ITPR2: variants seen among roughly 807,000 people sequenced by gnomAD.
ITPR2 encodes the protein inositol 1,4,5-trisphosphate-gated calcium channel ITPR2.
In ITPR2, 207 loss-of-function variants were observed where a neutral mutation model predicts 317.1. The observed-to-expected ratio is 0.65, with a 90% CI of 0.58 to 0.73. The LOEUF (loss-of-function observed/expected upper bound fraction) is 0.73, where lower values mean the gene tolerates loss of function less well. Among genes scored for constraint, ITPR2 ranks in the 30% least tolerant of loss-of-function variants. The pLI is 0.00. For missense variants in ITPR2, 2,613 were observed against 3,284.0 expected (o/e 0.80, Z 4.99); for synonymous variants, 1,156 against 1,149.1 (o/e 1.01, Z -0.12).
intron 28 of ITPR2, among the ~76,000 whole-genome samples, chr12:26,602,019 C>T (rs1006035273): frequency 5.9e-5 from 9 of 152,128 alleles, no homozygotes; most frequent in African/African-American, 2.2e-4. Flanking sequence ...GGAGTTCCCA[C>T]ATGAAGAGAT....
chr12:26,784,766 C>T (rs1326843733), intron 2 of ITPR2, among the ~76,000 whole-genome samples: 1 of 149,460 alleles, frequency 6.7e-6, no homozygotes, highest in Admixed American at 6.7e-5. Context: ...GCCACCACCC[C>T]GTCTGGGAAG....
At chr12:26,535,306 T>C (rs1248710559) in intron 37 of ITPR2, among the ~76,000 whole-genome samples, 1 of 152,204 alleles carries the variant, frequency 6.6e-6, no homozygotes, top group African/African-American at 2.4e-5. Flanking sequence ...ACATATGGCA[T>C]TTAAAATGCT....
chr12:26,594,370 G>A (rs1013346738), intron 32 of ITPR2, among the ~76,000 whole-genome samples: 2 of 151,896 alleles, frequency 1.3e-5, no homozygotes, highest in African/African-American at 4.8e-5. Context: ...ACATGTCTGA[G>A]TCTACAGGCA....
rs535524995 is a variant in ITPR2 at position 26,400,270 on chromosome 12, CATACAAATATATG to C, written c.7400-25_7400-13del. On this transcript the variant is annotated splice_polypyrimidine_tract_variant and intron_variant, in intron 52 of 56. Coordinates refer to ENST00000381340, the MANE Select transcript of ITPR2 (RefSeq NM_002223.4). The stretch of plus-strand genomic sequence containing the variant: ...ATACTCTTCATCAGCTATAAAAACA[CATACAAATATATG>C]ATATAAAATTATGTAAAAATATATA... The C allele has an allele frequency of 9.5e-5, 140 of 1,474,756 alleles. No homozygotes were observed. In the African/African-American group the frequency reaches 1.8e-3, roughly 18 times the overall value. 91.4% of individuals were successfully genotyped at this position (1,474,756 alleles called of 1,614,324 possible). A position where few individuals can be genotyped will look rare whatever the true frequency, so the allele number is the denominator to read the frequency against.
At chr12:26,777,067 C>T (rs994427144) in intron 2 of ITPR2, among the ~76,000 whole-genome samples, 13 of 151,898 alleles carry the variant, frequency 8.6e-5, no homozygotes, top group Non-Finnish European at 1.8e-4. Flanking sequence ...TGATTTGGGC[C>T]CACTAAATAG....
chr12:26,543,778 G>C (rs1240918895), intron 37 of ITPR2, among the ~76,000 whole-genome samples: 1 of 151,882 alleles, frequency 6.6e-6, no homozygotes, highest in Non-Finnish European at 1.5e-5. Flanking sequence ...CAAAGAAAAA[G>C]AGAAATCACA....
intron 54 of ITPR2, among the ~76,000 whole-genome samples, chr12:26,394,074 A>C (rs1302276087): frequency 1.3e-5 from 2 of 152,142 alleles, no homozygotes; most frequent in Non-Finnish European, 2.9e-5. Flanking sequence ...TTGAGGGCAG[A>C]CCCTCAGTTA....
intron 2 of ITPR2, among the ~76,000 whole-genome samples, chr12:26,741,489 C>A (rs1447434773): frequency 3.9e-5 from 6 of 152,088 alleles, no homozygotes; most frequent in South Asian, 4.1e-4. Flanking sequence ...TTATACACAT[C>A]TCTGGAAATA....
chr12:26,340,322 T>C lies in ITPR2; in HGVS notation c.7864A>G (p.Asn2622Asp), dbSNP rs1938066401. Reference sequence around the variant, plus strand: ...CGCATCCGAGGAAACCAATCCAAATTCTTCTCCTGAAAGCAAATAAATGTG... The same window carrying C: ...CGCATCCGAGGAAACCAATCCAAATCCTTCTCCTGAAAGCAAATAAATGTG... ...SYVAQMIVEK[N>D]LDWFPRMRAM... Residue 2622 changes from asparagine to aspartate, a missense_variant, in exon 56 of 57, where the codon AAT (asparagine) becomes GAT (aspartate). Asn to Asp is a conservative substitution (Grantham distance 23). Around this residue, in one of 9 missense-constraint regions of ITPR2, gnomAD observed 119 missense variants for 144.3 expected, o/e 0.82. Coordinates refer to ENST00000381340, the MANE Select transcript of ITPR2 (RefSeq NM_002223.4). 1.3e-6 allele frequency: 2 copies of C among 1,597,846 alleles called. No homozygotes were observed. The highest frequency in any genetic ancestry group is 1.7e-6 in the Non-Finnish European group (2 of 1,172,100).
intron 13 of ITPR2, among the ~76,000 whole-genome samples, chr12:26,679,708 A>G (rs1240040539): frequency 1.3e-5 from 2 of 152,100 alleles, no homozygotes; most frequent in East Asian, 3.8e-4. Flanking sequence ...GTATTTCAAA[A>G]TAAAAACTGT....
At chr12:26,598,249 C>T (rs1008944051) in intron 30 of ITPR2, among the ~76,000 whole-genome samples, 20 of 152,124 alleles carry the variant, frequency 1.3e-4, no homozygotes, top group African/African-American at 4.8e-4. Flanking sequence ...CAATAATTTA[C>T]ATTTAAAAAA....
At chr12:26,501,544 T>A in intron 37 of ITPR2, among the ~76,000 whole-genome samples, 1 of 152,142 alleles carries the variant, frequency 6.6e-6, no homozygotes, top group Admixed American at 6.6e-5. Flanking sequence ...AAACACAAAT[T>A]TCAACAGGAC....
At chr12:26,341,873 A>T (rs911436439) in intron 55 of ITPR2, among the ~76,000 whole-genome samples, 1 of 152,140 alleles carries the variant, frequency 6.6e-6, no homozygotes, top group Non-Finnish European at 1.5e-5. Flanking sequence ...TTCCCACCCC[A>T]CCACCTCTTA....
intron 2 of ITPR2, among the ~76,000 whole-genome samples, chr12:26,732,452 A>G (rs1031964697): frequency 6.6e-5 from 10 of 152,130 alleles, no homozygotes; most frequent in Non-Finnish European, 1.2e-4. Flanking sequence ...TGACTGCCTG[A>G]CCTCTTAGTG....
At chr12:26,394,346 T>C (rs538421170) in intron 54 of ITPR2, among the ~76,000 whole-genome samples, 1 of 152,322 alleles carries the variant, frequency 6.6e-6, no homozygotes, top group East Asian at 1.9e-4. Flanking sequence ...TACAGTGCTA[T>C]ATAGCTAAGT....
intron 10 of ITPR2, among the ~76,000 whole-genome samples, chr12:26,690,270 C>G (rs748682167): frequency 5.9e-5 from 9 of 152,146 alleles, no homozygotes; most frequent in Non-Finnish European, 1.3e-4. Context: ...TGAATAAAGG[C>G]TTATTAACAG....
intron 15 of ITPR2, 99 bp from the exon 16 acceptor site, chr12:26,659,384 A>G: frequency 1.9e-6 from 2 of 1,046,898 alleles, no homozygotes; most frequent in Non-Finnish European, 2.8e-6. Context: ...TCACAACAGA[A>G]GGTTCACTAA....
At chr12:26,681,394 T>C (rs961680756) in intron 13 of ITPR2, among the ~76,000 whole-genome samples, 1 of 152,186 alleles carries the variant, frequency 6.6e-6, no homozygotes, top group African/African-American at 2.4e-5. Context: ...GGTTCCAGTT[T>C]CTCTGAACAA....
At chr12:26,624,486 A>T in intron 23 of ITPR2, 130 bp from the exon 24 acceptor site, 1 of 628,480 alleles carries the variant, frequency 1.6e-6, no homozygotes, top group Admixed American at 2.8e-5. Context: ...GTCAATTAAC[A>T]CTAATAATCT....
Sources: gnomAD v4.1 joint callset for allele counts (sites outside exome capture counted in the v4.1 genomes callset) on GRCh38, gnomAD v4.1.1 for gene constraint, gnomAD v4.1.1 regional missense constraint, MANE v1.5 for transcripts, NCBI Gene and HGNC (gene_info 2026-07-23, HGNC 2026-07-21) for gene names.